The following PTPRG variants were observed in gnomAD, a reference collection of about 807,000 sequenced individuals.
PTPRG encodes the protein receptor-type tyrosine-protein phosphatase gamma.
Under a neutral mutation model 165.3 loss-of-function variants are expected in PTPRG, and 102 were observed. The ratio of observed to expected loss-of-function variants is 0.62; its 90% confidence interval spans 0.53 to 0.73. The LOEUF (loss-of-function observed/expected upper bound fraction) is 0.73, where lower values mean the gene tolerates loss of function less well. Among genes scored for constraint, PTPRG ranks in the 30% least tolerant of loss-of-function variants. PTPRG has a pLI of 0.00. For missense variants in PTPRG, 1,866 were observed against 1,861.4 expected (o/e 1.00, Z -0.05); for synonymous variants, 675 against 669.5 (o/e 1.01, Z -0.13).
At chr3:61,864,884 C>G (rs2037363418) in intron 2 of PTPRG, among the ~76,000 whole-genome samples, 1 of 152,216 alleles carries the variant, frequency 6.6e-6, no homozygotes, top group South Asian at 2.1e-4. Context: ...CTCCCCACTT[C>G]TATTTAAATG....
At position 61,868,113 on chromosome 3, in the gene PTPRG, A is replaced by G. The variant is rs1013364758; in HGVS notation, c.190+119131A>G. 1.4e-4 allele frequency among the ~76,000 whole-genome samples: 21 copies of G among 152,316 alleles called. No homozygotes were observed. In the East Asian group the frequency reaches 3.9e-3, roughly 28 times the overall value. On this transcript the variant is annotated intron_variant, in intron 2 of 29. Transcript: ENST00000474889. Reference sequence around the variant, plus strand: ...CTCCCTTAAACACATGAAGAAGTGCAGAGGAGAAGGGAGAGGGCATGTCTT... The same window carrying G: ...CTCCCTTAAACACATGAAGAAGTGCGGAGGAGAAGGGAGAGGGCATGTCTT...
rs138416854 is a variant in PTPRG, at chr3:61,823,185, GGTTT to G, written c.190+74216_190+74219del. On this transcript the variant is annotated intron_variant, in intron 2 of 29. Coordinates refer to ENST00000474889, the MANE Select transcript of PTPRG (RefSeq NM_002841.4). ...AAATTGATGATGAGCCAGTTGCACAGGTTTGTTTGTTTGTTTTTGTTTTGAGATG... is the reference window on the plus strand; with the variant it reads ...AAATTGATGATGAGCCAGTTGCACAGGTTTGTTTGTTTTTGTTTTGAGATG... Among the ~76,000 whole-genome samples the G allele has an allele frequency of 3.7e-3, 560 of 152,204 alleles. 1 individual carries two copies. The highest frequency in any genetic ancestry group is 0.013 in the African/African-American group (534 of 41,532).
intron 1 of PTPRG, among the ~76,000 whole-genome samples, chr3:61,653,632 T>C (rs1208645520): frequency 1.3e-5 from 2 of 152,142 alleles, no homozygotes; most frequent in Non-Finnish European, 2.9e-5. Context: ...GCTAAATCAT[T>C]GCATATGTCT....
intron 2 of PTPRG, among the ~76,000 whole-genome samples, chr3:61,804,044 C>T (rs759536730): frequency 5.9e-5 from 9 of 152,212 alleles, no homozygotes; most frequent in South Asian, 2.1e-4. Context: ...AATGCAGGTT[C>T]GTAGTAAAGA....
At chr3:62,122,124 C>G (rs1703097456) in intron 5 of PTPRG, among the ~76,000 whole-genome samples, 1 of 152,174 alleles carries the variant, frequency 6.6e-6, no homozygotes, top group African/African-American at 2.4e-5. Flanking sequence ...CTTAAATAAG[C>G]TATCTGTAAC....
chr3:61,680,501 G>T (rs1425971849), intron 1 of PTPRG, among the ~76,000 whole-genome samples: 5 of 85,210 alleles, frequency 5.9e-5, no homozygotes, highest in South Asian at 4.6e-4. Context: ...TCAGCTTTAT[G>T]AAAAAAAAAA....
chr3:62,158,716 T>C (rs991833915), intron 7 of PTPRG, among the ~76,000 whole-genome samples: 3 of 152,210 alleles, frequency 2.0e-5, no homozygotes, highest in African/African-American at 7.2e-5. Flanking sequence ...AGTTAGGTCA[T>C]GTAAGGCCAG....
intron 7 of PTPRG, among the ~76,000 whole-genome samples, chr3:62,158,976 A>C (rs983422707): frequency 1.3e-5 from 2 of 152,174 alleles, no homozygotes; most frequent in African/African-American, 4.8e-5. Flanking sequence ...CGTTGGTGGA[A>C]GGAATTTTTT....
intron 1 of PTPRG, among the ~76,000 whole-genome samples, chr3:61,600,192 A>ATATATG (rs1279672354): frequency 6.6e-5 from 7 of 106,636 alleles, no homozygotes; most frequent in East Asian, 2.9e-4. Flanking sequence ...ATATATATAT[A>ATATATG]TGTGTGTGTG....
intron 2 of PTPRG, among the ~76,000 whole-genome samples, chr3:61,872,161 CT>C (rs2037603057): frequency 6.6e-6 from 1 of 152,116 alleles, no homozygotes; most frequent in African/African-American, 2.4e-5. Flanking sequence ...GTAACGTGTA[CT>C]TTCACTGAAG....
At chr3:61,985,491 G>C (rs903032742) in intron 2 of PTPRG, among the ~76,000 whole-genome samples, 13 of 152,314 alleles carry the variant, frequency 8.5e-5, no homozygotes, top group East Asian at 7.7e-4. Flanking sequence ...AATGCTCTAA[G>C]CACATGGATT....
chr3:61,812,855 T>G (rs757666859), intron 2 of PTPRG, among the ~76,000 whole-genome samples: 3 of 152,220 alleles, frequency 2.0e-5, no homozygotes, highest in Non-Finnish European at 4.4e-5. Flanking sequence ...TCTTGCTGGT[T>G]TGATGAATAT....
At chr3:62,277,754 T>C (rs774382927) in intron 26 of PTPRG, 75 bp downstream of exon 26, 5 of 1,555,726 alleles carry the variant, frequency 3.2e-6, no homozygotes, top group Admixed American at 1.8e-5. Context: ...TACTTTGCCA[T>C]AGGGCTATAG....
intron 8 of PTPRG, among the ~76,000 whole-genome samples, chr3:62,170,236 T>C (rs559715103): frequency 1.5e-3 from 224 of 152,200 alleles, no homozygotes; most frequent in African/African-American, 5.2e-3. Flanking sequence ...AACTAATTTT[T>C]TTTTTAACCT....
intron 2 of PTPRG, among the ~76,000 whole-genome samples, chr3:61,839,837 C>G (rs2036572914): frequency 6.6e-6 from 1 of 152,290 alleles, no homozygotes; most frequent in Non-Finnish European, 1.5e-5. Flanking sequence ...CCCCTTCCCC[C>G]TCGTTGCCTA....
intron 1 of PTPRG, among the ~76,000 whole-genome samples, chr3:61,647,954 T>C (rs1702250343): frequency 1.3e-5 from 2 of 152,122 alleles, no homozygotes; most frequent in African/African-American, 4.8e-5. Flanking sequence ...TTATGGCTTG[T>C]CTATCTACTG....
intron 12 of PTPRG, 62 bp downstream of exon 12, chr3:62,204,012 AAAAATTGG>A: frequency 6.7e-7 from 1 of 1,498,160 alleles, no homozygotes; most frequent in Non-Finnish European, 8.9e-7. Flanking sequence ...CCCTTTTTCA[AAAAATTGG>A]GAGCAGAAGG....
At chr3:62,048,969 T>C (rs1394600977) in intron 4 of PTPRG, among the ~76,000 whole-genome samples, 1 of 152,188 alleles carries the variant, frequency 6.6e-6, no homozygotes, top group Non-Finnish European at 1.5e-5. Flanking sequence ...TCTCTGACCT[T>C]TTCAAAAGGG....
intron 2 of PTPRG, among the ~76,000 whole-genome samples, chr3:61,955,818 T>A (rs2040014171): frequency 6.6e-6 from 1 of 152,168 alleles, no homozygotes; most frequent in Non-Finnish European, 1.5e-5. Context: ...CTTGAGAAAG[T>A]TCTCCTTTAA....
Sources: gnomAD v4.1 joint callset for allele counts (sites outside exome capture counted in the v4.1 genomes callset) on GRCh38, gnomAD v4.1.1 for gene constraint, MANE v1.5 for transcripts, NCBI Gene and HGNC (gene_info 2026-07-23, HGNC 2026-07-21) for gene names.